TBC1D8: variants seen among roughly 807,000 people sequenced by gnomAD.
TBC1D8 encodes BUB2-like protein 1.
In TBC1D8, 65 loss-of-function variants were observed where a neutral mutation model predicts 118.8. That is an observed-to-expected ratio of 0.55 (90% CI 0.45 to 0.67). TBC1D8 has a LOEUF of 0.67. Among genes scored for constraint, TBC1D8 ranks in the 30% least tolerant of loss-of-function variants. TBC1D8 has a pLI of 0.00. For synonymous variants in TBC1D8, 566 were observed against 595.8 expected (o/e 0.95, Z 0.73); for missense variants, 1,376 against 1,471.2 (o/e 0.94, Z 1.06).
Position 101,050,430 on chromosome 2 carries a change from A to G in TBC1D8, c.843T>C (p.Asp281=), listed in dbSNP as rs764421422. Residue 281 remains aspartate (D), a synonymous_variant, in exon 5 of 20, where the codon GAT becomes GAC. Transcript: ENST00000409318. Reference sequence around the variant, plus strand: ...TGGTGATCTGGCTCGGCTCCTGCAGATCGGGGTCGAGGTCAAAGACCTCAT... The same window carrying G: ...TGGTGATCTGGCTCGGCTCCTGCAGGTCGGGGTCGAGGTCAAAGACCTCAT... ...LDNEVFDLDP[D]LQEPSQITKR... The G allele has an allele frequency of 3.7e-6, 6 of 1,613,472 alleles. No individual in the cohort carries two copies. The South Asian group carries it at 5.5e-5, about 15-fold the overall frequency.
At chr2:101,132,227 A>G in intron 1 of TBC1D8, among the ~76,000 whole-genome samples, 1 of 152,336 alleles carries the variant, frequency 6.6e-6, no homozygotes, top group East Asian at 1.9e-4. Flanking sequence ...ATAATGATAC[A>G]ATATGATATA....
At chr2:101,018,795 T>C (rs750992760) in intron 17 of TBC1D8, among the ~76,000 whole-genome samples, 6 of 152,236 alleles carry the variant, frequency 3.9e-5, no homozygotes, top group South Asian at 2.1e-4. Context: ...CAGTTTGTTA[T>C]GTTTCTTTCC....
chr2:101,134,187 TCTCTCTCTCTCACACACACA>T (rs1350283417), intron 1 of TBC1D8, among the ~76,000 whole-genome samples: 3 of 95,130 alleles, frequency 3.2e-5, no homozygotes, highest in Middle Eastern at 4.1e-3. Flanking sequence ...TCTCTCTCTC[TCTCTCTCTCTCACACACACA>T]CACACACACA....
At chr2:101,050,756 A>T (rs1384960187) in intron 4 of TBC1D8, 115 bp from the exon 5 acceptor site, 5 of 1,347,190 alleles carry the variant, frequency 3.7e-6, no homozygotes, top group Non-Finnish European at 5.0e-6. Flanking sequence ...ATGCCTTTTT[A>T]AAAAATCTTT....
At chr2:101,126,441 C>T (rs764811790) in intron 1 of TBC1D8, among the ~76,000 whole-genome samples, 3 of 152,176 alleles carry the variant, frequency 2.0e-5, no homozygotes, top group Non-Finnish European at 4.4e-5. Flanking sequence ...TATGTCCTGC[C>T]CATAAGCAAA....
chr2:101,043,474 C>T (rs768024667), intron 5 of TBC1D8, among the ~76,000 whole-genome samples: 27 of 152,224 alleles, frequency 1.8e-4, no homozygotes, highest in Admixed American at 1.1e-3. Context: ...AGTGAGTTCA[C>T]CTGTCATGTC....
chr2:101,008,313 G>T (rs1477616002), intron 19 of TBC1D8, 40 bp from the exon 20 acceptor site: 4 of 1,453,966 alleles, frequency 2.8e-6, no homozygotes, highest in South Asian at 3.0e-5. Context: ...CAGAACCAGG[G>T]TGGAAGTGTC....
Position 101,097,639 on chromosome 2 carries a change from G to C in TBC1D8, c.128-7275C>G, listed in dbSNP as rs960593087. On this transcript the variant is annotated intron_variant, in intron 1 of 19. Coordinates refer to ENST00000409318, the MANE Select transcript of TBC1D8 (RefSeq NM_001330348.2). ...CCAGCACTTTGGGAATATCACTTGA[G>C]GCCAAGAATTTGAGACCACCCTGGG... 1.8e-4 allele frequency among the ~76,000 whole-genome samples: 27 copies of C among 151,904 alleles called. 2 individuals carry two copies. The highest frequency in any genetic ancestry group is 1.5e-3 in the Admixed American group (23 of 15,236).
At chr2:101,053,946 C>T (rs2105416210) in intron 4 of TBC1D8, among the ~76,000 whole-genome samples, 162 bp downstream of exon 4, 1 of 152,312 alleles carries the variant, frequency 6.6e-6, no homozygotes, top group East Asian at 1.9e-4. Flanking sequence ...GATCTAATCC[C>T]CTGCTAGCAG....
chr2:101,096,420 A>C (rs892469779), intron 1 of TBC1D8, among the ~76,000 whole-genome samples: 5 of 42,912 alleles, frequency 1.2e-4, no homozygotes, highest in East Asian at 1.3e-3. Flanking sequence ...GGCTTTTGAC[A>C]AAAAAAAAAA....
intron 2 of TBC1D8, among the ~76,000 whole-genome samples, chr2:101,080,281 G>A (rs992297796): frequency 2.0e-5 from 3 of 152,084 alleles, no homozygotes; most frequent in African/African-American, 7.2e-5. Context: ...TCAGCGTGGG[G>A]ACCCAGAGAA....
intron 1 of TBC1D8, among the ~76,000 whole-genome samples, chr2:101,112,995 C>T (rs76859220): frequency 6.6e-6 from 1 of 152,218 alleles, no homozygotes; most frequent in South Asian, 2.1e-4. Context: ...CTCTGATACC[C>T]GTGCAGGCTG....
Position 101,037,623 on chromosome 2 carries a change from T to C in TBC1D8, c.1361A>G (p.Glu454Gly), listed in dbSNP as rs760839882. The change falls in exon 8 of 20, where the codon GAG becomes GGG. Residue 454 changes from glutamate to glycine, a missense_variant. Physicochemically the swap from Glu to Gly is moderately conservative, Grantham distance 98. Transcript: ENST00000409318. ...LEMMSSQNSE[E>G]SEKEKSPLMH... The stretch of plus-strand genomic sequence containing the variant: ...CAGCGGGCTCTTCTCTTTCTCACTC[T>C]CCTCGCTATTTTGAGAAGACATCAT... 5 of 1,613,906 alleles carry C rather than the reference T, an allele frequency of 3.1e-6. No individual in the cohort carries two copies. The Admixed American group carries it at 8.3e-5, about 27-fold the overall frequency.
chr2:101,087,381 A>G (rs1276057176), intron 2 of TBC1D8, among the ~76,000 whole-genome samples: 1 of 151,966 alleles, frequency 6.6e-6, no homozygotes, highest in African/African-American at 2.4e-5. Flanking sequence ...TCACACCTGT[A>G]ATCCCAGCAC....
chr2:101,059,783 CA>C (rs1388142540), intron 2 of TBC1D8, among the ~76,000 whole-genome samples: 2 of 151,992 alleles, frequency 1.3e-5, no homozygotes, highest in Non-Finnish European at 2.9e-5. Flanking sequence ...ACTAAAAATG[CA>C]AAAAATTAGC....
At chr2:101,036,597 C>T (rs1681029810) in intron 8 of TBC1D8, among the ~76,000 whole-genome samples, 2 of 152,064 alleles carry the variant, frequency 1.3e-5, no homozygotes, top group African/African-American at 2.4e-5. Context: ...AGTACAGGGG[C>T]ATCACAATTT....
intron 2 of TBC1D8, among the ~76,000 whole-genome samples, chr2:101,079,680 G>GTTTTTTTTTTTTTTTTTTTTTT (rs35466679): frequency 1.2e-5 from 1 of 81,792 alleles, no homozygotes. Context: ...GTCCAGTCTG[G>GTTTTTTTTTTTTTTTTTTTTTT]TTTTTTTTTT....
intron 1 of TBC1D8, among the ~76,000 whole-genome samples, chr2:101,108,594 C>A (rs1677376286): frequency 6.6e-6 from 1 of 152,104 alleles, no homozygotes; most frequent in Non-Finnish European, 1.5e-5. Context: ...TGGCTCGGGG[C>A]CCCTTGCTCC....
At position 101,007,445 on chromosome 2, in the gene TBC1D8, T is replaced by C. The variant is rs541871512; in HGVS notation, c.*376A>G. Among the ~76,000 whole-genome samples the C allele has an allele frequency of 6.6e-6, 1 of 152,296 alleles. No individual in the cohort carries two copies. Among genetic ancestry groups the C allele is most frequent in the African/African-American group, 2.4e-5 (1 of 41,582 alleles). Reference sequence around the variant, plus strand: ...TTGAAAGTGAACTTGATTCCTGACCTCTCCCATTGTCACTCCAAGTGAAAA... The same window carrying C: ...TTGAAAGTGAACTTGATTCCTGACCCCTCCCATTGTCACTCCAAGTGAAAA... On this transcript the variant is annotated 3_prime_UTR_variant, in exon 20 of 20. Transcript: ENST00000409318.
Sources: allele counts gnomAD v4.1 joint callset (sites outside exome capture counted in the v4.1 genomes callset), GRCh38; gene constraint gnomAD v4.1.1; transcripts MANE v1.5; gene names NCBI Gene and HGNC (gene_info 2026-07-23, HGNC 2026-07-21).